Variants in CSMD1 observed in about 807,000 individuals in gnomAD.
CSMD1 encodes CUB and sushi domain-containing protein 1.
Under a neutral mutation model 417.5 loss-of-function variants are expected in CSMD1, and 213 were observed. The observed-to-expected ratio is 0.51, with a 90% CI of 0.46 to 0.57. CSMD1 has a LOEUF of 0.57. Among genes scored for constraint, CSMD1 ranks in the 20% least tolerant of loss-of-function variants. The probability of loss-of-function intolerance (pLI) is 0.00; values close to 1 mark genes in which losing one functional copy is unlikely to be tolerated. For synonymous variants in CSMD1, 2,862 were observed against 1,736.8 expected, an observed-to-expected ratio of 1.65 and a Z score of -16.11; for missense variants, 6,923 against 4,529.7, an observed-to-expected ratio of 1.53 and a Z score of -15.17.
intron 7 of CSMD1, among the ~76,000 whole-genome samples, chr8:3,630,352 A>G (rs1418935338): frequency 6.6e-6 from 1 of 152,238 alleles, no homozygotes; most frequent in African/African-American, 2.4e-5. Context: ...CTTGCCCAGT[A>G]AACAGCAGAA....
intron 1 of CSMD1, among the ~76,000 whole-genome samples, chr8:4,702,607 A>G (rs1263314213): frequency 6.6e-6 from 1 of 152,194 alleles, no homozygotes; most frequent in East Asian, 1.9e-4. Flanking sequence ...TACAAAATGA[A>G]CCTCATTACC....
rs117933198 is a variant in CSMD1 at position 4,081,059 on chromosome 8, G to C, written c.416-48960C>G. ...GAGGGACACAAAGTTCATCCCCTTG[G>C]GTAATTCAGTAAGAATGCAACACTT... is the stretch of plus-strand genomic sequence containing the variant. On this transcript the variant is annotated intron_variant, in intron 3 of 69. Transcript: ENST00000635120. 9.4e-3 allele frequency among the ~76,000 whole-genome samples: 1,425 copies of C among 152,160 alleles called. 8 individuals carry two copies. Among genetic ancestry groups the C allele is most frequent in the Non-Finnish European group, 0.014 (983 of 68,008 alleles).
At chr8:4,632,544 C>G (rs180814793) in intron 2 of CSMD1, among the ~76,000 whole-genome samples, 1 of 151,916 alleles carries the variant, frequency 6.6e-6, no homozygotes, top group African/African-American at 2.4e-5. Context: ...AAACTCAAGA[C>G]GTTGGTAATC....
intron 1 of CSMD1, among the ~76,000 whole-genome samples, chr8:4,950,609 G>T (rs1052160341): frequency 5.3e-5 from 8 of 152,088 alleles, no homozygotes; most frequent in African/African-American, 1.9e-4. Flanking sequence ...TAAGGAAAAA[G>T]CAAAGTTACT....
chr8:3,040,752 G>A (rs1054061091), intron 50 of CSMD1, among the ~76,000 whole-genome samples: 1 of 152,248 alleles, frequency 6.6e-6, no homozygotes, highest in Middle Eastern at 3.4e-3. Context: ...AGAGCGAGTT[G>A]AGATCGTGCC....
In CSMD1 at chr8:3,182,622, G is replaced by T. The variant is rs1307606617; in HGVS notation, c.5621-1408C>A. ...TGTGTGTGTGTGTGTGTGTGTGTGTGTGTGTGTGTGTATTGTTAGTAGAGA... is the reference window on the plus strand; with the variant it reads ...TGTGTGTGTGTGTGTGTGTGTGTGTTTGTGTGTGTGTATTGTTAGTAGAGA... On this transcript the variant is annotated intron_variant, in intron 36 of 69. Coordinates refer to ENST00000635120, the MANE Select transcript of CSMD1 (RefSeq NM_033225.6). Among the ~76,000 whole-genome samples, 170 of 56,826 alleles carry T rather than the reference G, an allele frequency of 3.0e-3. 3 individuals are homozygous for T. The highest frequency in any genetic ancestry group is 7.5e-3 in the African/African-American group (145 of 19,366). The allele number at this position is 56,826 out of a possible 152,430, so 37.3% of individuals were successfully genotyped here. A position where few individuals can be genotyped will look rare whatever the true frequency, so the allele number is the denominator to read the frequency against.
intron 1 of CSMD1, among the ~76,000 whole-genome samples, chr8:4,658,036 A>G (rs1277326610): frequency 6.6e-6 from 1 of 152,124 alleles, no homozygotes; most frequent in Non-Finnish European, 1.5e-5. Context: ...AATATCCAGT[A>G]TGAAGAAAAA....
chr8:4,792,631 T>C (rs990809816), intron 1 of CSMD1, among the ~76,000 whole-genome samples: 1 of 152,194 alleles, frequency 6.6e-6, no homozygotes, highest in Non-Finnish European at 1.5e-5. Context: ...TTTAGACTAC[T>C]GTTTTCTAAT....
intron 1 of CSMD1, among the ~76,000 whole-genome samples, chr8:4,649,498 C>T (rs1021117010): frequency 1.7e-4 from 26 of 152,236 alleles, no homozygotes; most frequent in African/African-American, 5.5e-4. Flanking sequence ...GGGTATAAAC[C>T]CACGTGAGTA....
At chr8:4,963,300 A>T (rs941500875) in intron 1 of CSMD1, among the ~76,000 whole-genome samples, 1 of 152,156 alleles carries the variant, frequency 6.6e-6, no homozygotes, top group Non-Finnish European at 1.5e-5. Context: ...TCCGGGGTTC[A>T]AGCAATCATG....
intron 5 of CSMD1, among the ~76,000 whole-genome samples, chr8:3,982,039 C>T (rs1477437132): frequency 2.0e-5 from 3 of 151,680 alleles, no homozygotes; most frequent in African/African-American, 7.3e-5. Context: ...GGCGCGGTGA[C>T]GGTCGCCTGT....
At chr8:3,708,379 G>T (rs372144175) in intron 7 of CSMD1, 35 bp downstream of exon 7, 42 of 1,564,082 alleles carry the variant, frequency 2.7e-5, no homozygotes, top group Non-Finnish European at 3.5e-5. Context: ...TTACAAGGGC[G>T]TATCAATCCT....
Position 4,067,889 on chromosome 8 carries a change from C to G in CSMD1, c.416-35790G>C, listed in dbSNP as rs527923082. Among the ~76,000 whole-genome samples, 25 of 152,074 alleles carry G rather than the reference C, an allele frequency of 1.6e-4. No homozygotes were observed. The East Asian group carries it at 4.7e-3, about 28-fold the overall frequency. On this transcript the variant is annotated intron_variant, in intron 3 of 69. Transcript: ENST00000635120. ...GTCAAGAGATGGAGACCATCCTGGC[C>G]AACATGATGAAACCCCAACTCTACT...
At chr8:4,451,012 C>T (rs534855755) in intron 2 of CSMD1, among the ~76,000 whole-genome samples, 4 of 110,354 alleles carry the variant, frequency 3.6e-5, no homozygotes, top group African/African-American at 1.7e-4. Context: ...TTCTGTTGAC[C>T]AACGTGGGGA....
At chr8:3,522,421 T>C (rs977323475) in intron 10 of CSMD1, among the ~76,000 whole-genome samples, 2 of 152,204 alleles carry the variant, frequency 1.3e-5, no homozygotes, top group African/African-American at 4.8e-5. Flanking sequence ...GTTTTGTATC[T>C]ACCAGCAGCT....
intron 3 of CSMD1, among the ~76,000 whole-genome samples, chr8:4,397,865 A>G (rs1281562052): frequency 3.3e-5 from 5 of 152,280 alleles, no homozygotes; most frequent in African/African-American, 9.6e-5. Context: ...TTCTAATTAA[A>G]ACAATTTTCT....
chr8:3,905,955 CTTTTGA>C (rs1808080311), intron 5 of CSMD1, among the ~76,000 whole-genome samples: 1 of 152,164 alleles, frequency 6.6e-6, no homozygotes, highest in Non-Finnish European at 1.5e-5. Flanking sequence ...TCAACCATAC[CTTTTGA>C]TTTTATCAAA....
chr8:4,829,465 G>A (rs971194433), intron 1 of CSMD1, among the ~76,000 whole-genome samples: 1 of 152,138 alleles, frequency 6.6e-6, no homozygotes, highest in South Asian at 2.1e-4. Context: ...TTTAAGGCCA[G>A]GTGCAGTGGC....
At chr8:4,077,940 A>G (rs781622747) in intron 3 of CSMD1, among the ~76,000 whole-genome samples, 3 of 152,088 alleles carry the variant, frequency 2.0e-5, no homozygotes, top group African/African-American at 7.2e-5. Context: ...AATCCTTTAC[A>G]TACCCATACT....
Sources: gnomAD v4.1 joint callset for allele counts (sites outside exome capture counted in the v4.1 genomes callset) on GRCh38, gnomAD v4.1.1 for gene constraint, MANE v1.5 for transcripts, NCBI Gene and HGNC (gene_info 2026-07-23, HGNC 2026-07-21) for gene names.